The following GALNT13 variants were observed in gnomAD, a reference collection of about 807,000 sequenced individuals.
GALNT13 encodes the protein UDP-GalNAc:polypeptide N-acetylgalactosaminyltransferase 13.
GALNT13 carries 28 observed loss-of-function variants against 64.2 expected under a neutral mutation model. That is an observed-to-expected ratio of 0.44 (90% CI 0.32 to 0.60). The LOEUF is 0.60. GALNT13 is among the 20% of genes least tolerant of loss of function. GALNT13 has a pLI of 0.05. For synonymous variants in GALNT13, 214 were observed against 224.6 expected, an observed-to-expected ratio of 0.95 and a Z score of 0.42; for missense variants, 577 against 669.8, an observed-to-expected ratio of 0.86 and a Z score of 1.53.
At chr2:153,611,637 C>G in the GALNT13 span, among the ~76,000 whole-genome samples, 3 of 147,434 alleles carry the variant, frequency 2.0e-5, no homozygotes, top group East Asian at 4.2e-4. Context: ...GCTGGGATTA[C>G]AGGTGTGAGC....
the GALNT13 span, among the ~76,000 whole-genome samples, chr2:153,336,754 C>T: frequency 1.6e-4 from 25 of 152,044 alleles, no homozygotes; most frequent in South Asian, 1.5e-3. Context: ...TTTAAAAATG[C>T]GAGAACATGA....
chr2:153,541,242 C>G, the GALNT13 span, among the ~76,000 whole-genome samples: 2 of 152,152 alleles, frequency 1.3e-5, no homozygotes, highest in Non-Finnish European at 2.9e-5. Flanking sequence ...TTGCTCTGCA[C>G]TTCTCCTTCC....
chr2:153,510,185 T>C, the GALNT13 span, among the ~76,000 whole-genome samples: 1 of 152,174 alleles, frequency 6.6e-6, no homozygotes, highest in African/African-American at 2.4e-5. Flanking sequence ...TGCAATATCA[T>C]TTTTAGTCTG....
intron 9 of GALNT13, among the ~76,000 whole-genome samples, chr2:154,367,782 A>G (rs1306256132): frequency 6.6e-6 from 1 of 152,218 alleles, no homozygotes; most frequent in Admixed American, 6.6e-5. Flanking sequence ...AAGTGTGGAT[A>G]TGATCTATAA....
the GALNT13 span, among the ~76,000 whole-genome samples, chr2:153,085,784 T>C: frequency 6.6e-6 from 1 of 152,074 alleles, no homozygotes; most frequent in Non-Finnish European, 1.5e-5. Context: ...ACTGGGGTAT[T>C]GCCTAATGGA....
At chr2:154,304,450 G>T (rs1230845757) in intron 9 of GALNT13, among the ~76,000 whole-genome samples, 1 of 152,288 alleles carries the variant, frequency 6.6e-6, no homozygotes, top group Non-Finnish European at 1.5e-5. Flanking sequence ...GAGGAAAAAA[G>T]TGTGTTATGT....
the GALNT13 span, among the ~76,000 whole-genome samples, chr2:153,585,865 T>C: frequency 4.0e-5 from 6 of 151,832 alleles, no homozygotes; most frequent in African/African-American, 1.5e-4. Context: ...TTAAGTATCA[T>C]AAAGGAGAAA....
chr2:153,731,917 C>T, the GALNT13 span, among the ~76,000 whole-genome samples: 1 of 151,866 alleles, frequency 6.6e-6, no homozygotes, highest in Non-Finnish European at 1.5e-5. Flanking sequence ...ACGGGTTCTA[C>T]TGTGGTATGT....
At chr2:153,556,933 C>T in the GALNT13 span, among the ~76,000 whole-genome samples, 8 of 152,122 alleles carry the variant, frequency 5.3e-5, no homozygotes, top group Non-Finnish European at 1.2e-4. Flanking sequence ...TATCTGCCCA[C>T]CTAACATTTC....
the GALNT13 span, among the ~76,000 whole-genome samples, chr2:153,856,683 T>A: frequency 6.6e-6 from 1 of 152,124 alleles, no homozygotes; most frequent in Admixed American, 6.5e-5. Flanking sequence ...ATAGGGAAAA[T>A]TTATACAATT....
the GALNT13 span, among the ~76,000 whole-genome samples, chr2:153,107,952 G>C: frequency 6.6e-6 from 1 of 152,112 alleles, no homozygotes; most frequent in African/African-American, 2.4e-5. Context: ...AGAACACACT[G>C]TCTTACCTCT....
rs560358832 is a variant in GALNT13 at position 154,200,331 on chromosome 2, A to C, written c.312-41699A>C. Among the ~76,000 whole-genome samples the C allele has an allele frequency of 6.8e-3, 1,029 of 152,188 alleles. 8 individuals are homozygous for C. The highest frequency in any genetic ancestry group is 0.024 in the African/African-American group (995 of 41,544). On this transcript the variant is annotated intron_variant, in intron 4 of 12. Coordinates refer to ENST00000392825, the MANE Select transcript of GALNT13 (RefSeq NM_052917.4). ...TGGAGATGGGGTGGTGATTAAGGGG[A>C]ATATCCCACCAAAGATATGAACTGT... is the stretch of plus-strand genomic sequence containing the variant.
chr2:153,306,810 G>T, the GALNT13 span, among the ~76,000 whole-genome samples: 1 of 152,146 alleles, frequency 6.6e-6, no homozygotes, highest in African/African-American at 2.4e-5. Context: ...CTAGAGCGCA[G>T]TGGCGTGATC....
At chr2:153,717,726 T>C in the GALNT13 span, among the ~76,000 whole-genome samples, 1 of 152,164 alleles carries the variant, frequency 6.6e-6, no homozygotes, top group African/African-American at 2.4e-5. Context: ...ATGCTGAGTT[T>C]TTAAGGACTG....
At chr2:153,770,409 A>AGTCATGTTCT in the GALNT13 span, among the ~76,000 whole-genome samples, 1 of 152,114 alleles carries the variant, frequency 6.6e-6, no homozygotes, top group African/African-American at 2.4e-5. Context: ...TGGTTGTAGT[A>AGTCATGTTCT]GTCATGTTCT....
chr2:153,403,946 C>T, the GALNT13 span, among the ~76,000 whole-genome samples: 2 of 152,316 alleles, frequency 1.3e-5, no homozygotes, highest in African/African-American at 4.8e-5. Flanking sequence ...GCCATCTTGG[C>T]TCCTCCAGGT....
chr2:153,473,150 A>G, the GALNT13 span, among the ~76,000 whole-genome samples: 1 of 152,094 alleles, frequency 6.6e-6, no homozygotes, highest in Non-Finnish European at 1.5e-5. Context: ...ATAAACCTAC[A>G]TGTTCTGCAC....
intron 8 of GALNT13, among the ~76,000 whole-genome samples, chr2:154,301,035 A>T (rs531914292): frequency 5.9e-5 from 9 of 152,294 alleles, no homozygotes; most frequent in African/African-American, 2.2e-4. Context: ...AGAGTAACTG[A>T]TTTTTCTCCA....
chr2:154,393,492 TC>T (rs1428925192), intron 9 of GALNT13, among the ~76,000 whole-genome samples: 3 of 152,188 alleles, frequency 2.0e-5, no homozygotes, highest in Non-Finnish European at 4.4e-5. Flanking sequence ...AGGACTGTTG[TC>T]TCTTAATATG....
Sources: allele counts gnomAD v4.1 joint callset (sites outside exome capture counted in the v4.1 genomes callset), GRCh38; gene constraint gnomAD v4.1.1; transcripts MANE v1.5; gene names NCBI Gene and HGNC (gene_info 2026-07-23, HGNC 2026-07-21).